The following NKAIN2 variants were observed in gnomAD, a reference collection of about 807,000 sequenced individuals.
NKAIN2 encodes sodium/potassium transporting ATPase interacting 2.
Under a neutral mutation model 32.6 loss-of-function variants are expected in NKAIN2, and 14 were observed. The observed-to-expected ratio is 0.43, with a 90% CI of 0.28 to 0.67. NKAIN2 has a LOEUF of 0.67. Ranked by LOEUF, NKAIN2 falls within the 30% of genes least tolerant of loss-of-function variation. The pLI is 0.17. For synonymous variants in NKAIN2, 80 were observed against 87.2 expected (o/e 0.92, Z 0.46); for missense variants, 198 against 258.3 (o/e 0.77, Z 1.60).
chr6:124,688,839 T>C (rs1179452873), intron 4 of NKAIN2, among the ~76,000 whole-genome samples: 1 of 152,094 alleles, frequency 6.6e-6, no homozygotes, highest in African/African-American at 2.4e-5. Flanking sequence ...CAATAATCCA[T>C]TGTCTGGATG....
At chr6:124,457,152 C>A (rs1776354863) in intron 3 of NKAIN2, among the ~76,000 whole-genome samples, 1 of 151,854 alleles carries the variant, frequency 6.6e-6, no homozygotes. Context: ...TGAAAATAAG[C>A]ACCTAGATTC....
intron 3 of NKAIN2, among the ~76,000 whole-genome samples, chr6:124,619,892 C>T (rs572619652): frequency 2.0e-5 from 3 of 152,110 alleles, no homozygotes; most frequent in African/African-American, 4.8e-5. Flanking sequence ...TTAGCTCTGC[C>T]GCTTATTTGC....
intron 1 of NKAIN2, among the ~76,000 whole-genome samples, chr6:123,900,653 A>C (rs1439317415): frequency 7.1e-6 from 1 of 140,948 alleles, no homozygotes; most frequent in Non-Finnish European, 1.5e-5. Context: ...CTTCAAGCTT[A>C]GTTTTTGACA....
chr6:124,480,110 A>G (rs1425577707), intron 3 of NKAIN2, among the ~76,000 whole-genome samples: 1 of 152,198 alleles, frequency 6.6e-6, no homozygotes, highest in Non-Finnish European at 1.5e-5. Context: ...TTTGCTTTTT[A>G]GTTCATGACA....
chr6:124,744,051 T>C (rs915948148), intron 4 of NKAIN2, among the ~76,000 whole-genome samples: 1 of 151,866 alleles, frequency 6.6e-6, no homozygotes, highest in Non-Finnish European at 1.5e-5. Flanking sequence ...AAAAAGCAAG[T>C]TATAGTAAGA....
At chr6:123,987,347 G>A (rs977642895) in intron 1 of NKAIN2, among the ~76,000 whole-genome samples, 4 of 152,040 alleles carry the variant, frequency 2.6e-5, no homozygotes, top group African/African-American at 7.2e-5. Context: ...TGGACATTAC[G>A]TTTTGAAGGT....
intron 1 of NKAIN2, among the ~76,000 whole-genome samples, chr6:123,971,042 T>A (rs896970507): frequency 6.6e-6 from 1 of 152,140 alleles, no homozygotes; most frequent in African/African-American, 2.4e-5. Flanking sequence ...TATTGAAAGC[T>A]TACTATATGC....
At chr6:124,026,928 A>G (rs1562315844) in intron 1 of NKAIN2, among the ~76,000 whole-genome samples, 2 of 151,974 alleles carry the variant, frequency 1.3e-5, no homozygotes, top group Admixed American at 6.6e-5. Context: ...GCTCCACTGA[A>G]GCTGTGCTGA....
At chr6:123,932,406 C>CTTTTTTTTTTTTTTTTT (rs57063550) in intron 1 of NKAIN2, among the ~76,000 whole-genome samples, 7 of 104,392 alleles carry the variant, frequency 6.7e-5, no homozygotes, top group East Asian at 2.5e-4. Flanking sequence ...TTCTGTCTTT[C>CTTTTTTTTTTTTTTTTT]TTTTTTTTTT....
At chr6:124,044,529 C>T (rs1223720172) in intron 1 of NKAIN2, among the ~76,000 whole-genome samples, 1 of 151,998 alleles carries the variant, frequency 6.6e-6, no homozygotes, top group African/African-American at 2.4e-5. Context: ...GGACCAGTCC[C>T]AAAGACTGGA....
At chr6:123,958,203 C>T (rs982327501) in intron 1 of NKAIN2, among the ~76,000 whole-genome samples, 26 of 151,240 alleles carry the variant, frequency 1.7e-4, no homozygotes, top group African/African-American at 5.8e-4. Flanking sequence ...TTCTCCTGTA[C>T]GTGTGACTTT....
intron 1 of NKAIN2, among the ~76,000 whole-genome samples, chr6:124,050,784 T>C (rs1291203173): frequency 6.6e-6 from 1 of 152,080 alleles, no homozygotes; most frequent in East Asian, 1.9e-4. Context: ...CATTTTATTT[T>C]TTTCTATTTT....
chr6:124,224,211 A>G (rs1318020490), intron 1 of NKAIN2, among the ~76,000 whole-genome samples: 4 of 152,162 alleles, frequency 2.6e-5, no homozygotes, highest in Non-Finnish European at 4.4e-5. Flanking sequence ...ATATGCGTGC[A>G]CATACACACA....
chr6:124,206,501 T>C (rs1403677740), intron 1 of NKAIN2, among the ~76,000 whole-genome samples: 2 of 151,918 alleles, frequency 1.3e-5, no homozygotes, highest in African/African-American at 2.4e-5. Context: ...ACAGAATTGT[T>C]GTGTTTTGGG....
intron 1 of NKAIN2, among the ~76,000 whole-genome samples, chr6:124,079,382 G>C (rs1171621960): frequency 1.3e-5 from 2 of 152,042 alleles, no homozygotes; most frequent in East Asian, 3.9e-4. Flanking sequence ...AACTATAGCA[G>C]AATTGGTGAA....
At chr6:124,425,487 A>C (rs1774943215) in intron 3 of NKAIN2, among the ~76,000 whole-genome samples, 1 of 152,144 alleles carries the variant, frequency 6.6e-6, no homozygotes, top group Non-Finnish European at 1.5e-5. Flanking sequence ...ACAGCAAAGG[A>C]AAGTATCAAT....
At chr6:124,044,631 C>T (rs1782035498) in intron 1 of NKAIN2, among the ~76,000 whole-genome samples, 1 of 152,004 alleles carries the variant, frequency 6.6e-6, no homozygotes, top group African/African-American at 2.4e-5. Context: ...GCCCCAGGCC[C>T]CTGTAGAGCC....
At chr6:124,001,800 A>AATATATATATATATATATAT (rs10567719) in intron 1 of NKAIN2, among the ~76,000 whole-genome samples, 11 of 135,136 alleles carry the variant, frequency 8.1e-5, no homozygotes, top group African/African-American at 1.1e-4. Context: ...CTTAGTTCTA[A>AATATATATATATATATATAT]ATATATATAT....
At chr6:124,116,397 C>T (rs780080398) in intron 1 of NKAIN2, among the ~76,000 whole-genome samples, 9 of 151,934 alleles carry the variant, frequency 5.9e-5, no homozygotes, top group African/African-American at 9.7e-5. Flanking sequence ...ATTAGGCTAT[C>T]GCGGGAACAG....
Sources: allele counts gnomAD v4.1 joint callset (sites outside exome capture counted in the v4.1 genomes callset), GRCh38; gene constraint gnomAD v4.1.1; transcripts MANE v1.5; gene names NCBI Gene and HGNC (gene_info 2026-07-23, HGNC 2026-07-21).